INPP4B: variants seen among roughly 807,000 people sequenced by gnomAD.
INPP4B encodes the protein inositol polyphosphate-4-phosphatase type II B, also known as inositol polyphosphate 4-phosphatase type II.
Under a neutral mutation model 122.5 loss-of-function variants are expected in INPP4B, and 55 were observed. That is an observed-to-expected ratio of 0.45 (90% CI 0.36 to 0.56). The LOEUF is 0.56. INPP4B is among the 20% of genes least tolerant of loss of function. INPP4B has a pLI of 0.00. For synonymous variants in INPP4B, 403 were observed against 388.7 expected, an observed-to-expected ratio of 1.04 and a Z score of -0.43; for missense variants, 1,000 against 1,097.7, an observed-to-expected ratio of 0.91 and a Z score of 1.26.
intron 18 of INPP4B, among the ~76,000 whole-genome samples, chr4:142,136,546 T>C (rs1804367707): frequency 6.6e-6 from 1 of 152,130 alleles, no homozygotes; most frequent in South Asian, 2.1e-4. Context: ...GGGGAAAGCT[T>C]TGAAAGCTCA....
At chr4:142,626,182 C>T (rs1373250894) in intron 2 of INPP4B, among the ~76,000 whole-genome samples, 2 of 152,210 alleles carry the variant, frequency 1.3e-5, no homozygotes, top group South Asian at 4.2e-4. Flanking sequence ...AAACTACCAT[C>T]AGAGTGAACA....
At chr4:142,420,192 A>G (rs1806574325) in intron 5 of INPP4B, among the ~76,000 whole-genome samples, 1 of 152,140 alleles carries the variant, frequency 6.6e-6, no homozygotes, top group Admixed American at 6.6e-5. Flanking sequence ...TAAGCCTGTG[A>G]AGTTAAACCT....
At chr4:142,441,193 G>A (rs917177734) in intron 3 of INPP4B, among the ~76,000 whole-genome samples, 1 of 152,156 alleles carries the variant, frequency 6.6e-6, no homozygotes, top group South Asian at 2.1e-4. Context: ...TGTACTGAAA[G>A]GTGGTAGCTT....
At chr4:142,273,417 A>G (rs773719566) in intron 9 of INPP4B, among the ~76,000 whole-genome samples, 10 of 151,930 alleles carry the variant, frequency 6.6e-5, no homozygotes, top group Non-Finnish European at 1.3e-4. Context: ...CAGTGATTCA[A>G]TGCTTACTGG....
intron 25 of INPP4B, among the ~76,000 whole-genome samples, chr4:142,069,596 T>C (rs1309762367): frequency 6.6e-6 from 1 of 151,118 alleles, no homozygotes. Flanking sequence ...GCAAGACTAA[T>C]AAAGAAGAAA....
At chr4:142,650,119 CT>C (rs1210938734) in intron 2 of INPP4B, among the ~76,000 whole-genome samples, 1 of 152,154 alleles carries the variant, frequency 6.6e-6, no homozygotes, top group African/African-American at 2.4e-5. Context: ...CCAAACTAAG[CT>C]TCATAAGAGA....
chr4:142,172,907 A>C (rs10010617), intron 16 of INPP4B, among the ~76,000 whole-genome samples: 15,117 of 151,938 alleles, frequency 0.099, 1,106 homozygotes, highest in African/African-American at 0.2. Flanking sequence ...GCACACATTG[A>C]AAGTGGACAC....
intron 23 of INPP4B, among the ~76,000 whole-genome samples, 158 bp downstream of exon 23, chr4:142,107,935 C>T (rs892954438): frequency 3.3e-5 from 5 of 152,126 alleles, no homozygotes; most frequent in African/African-American, 1.2e-4. Context: ...GTTGGCCATG[C>T]TACCTTGGCA....
intron 17 of INPP4B, among the ~76,000 whole-genome samples, chr4:142,157,752 G>A (rs1429520963): frequency 6.6e-6 from 1 of 152,026 alleles, no homozygotes; most frequent in South Asian, 2.1e-4. Context: ...TGATACTCCA[G>A]CCTTGGCTGG....
At chr4:142,802,512 C>A (rs903910949) in intron 1 of INPP4B, among the ~76,000 whole-genome samples, 1 of 152,050 alleles carries the variant, frequency 6.6e-6, no homozygotes, top group Non-Finnish European at 1.5e-5. Flanking sequence ...TCCTGGAATC[C>A]CCTATCCACT....
chr4:142,279,948 C>T (rs1561726159), intron 9 of INPP4B, among the ~76,000 whole-genome samples: 1 of 151,888 alleles, frequency 6.6e-6, no homozygotes, highest in Non-Finnish European at 1.5e-5. Context: ...AACACTTGAA[C>T]AGATATGTTT....
intron 2 of INPP4B, among the ~76,000 whole-genome samples, chr4:142,464,072 C>T (rs1479194805): frequency 6.6e-6 from 1 of 152,130 alleles, no homozygotes; most frequent in Non-Finnish European, 1.5e-5. Context: ...GTAATTCAGG[C>T]AGAGTCCCAC....
intron 7 of INPP4B, among the ~76,000 whole-genome samples, chr4:142,367,302 T>C (rs1416010802): frequency 6.6e-6 from 1 of 151,890 alleles, no homozygotes; most frequent in African/African-American, 2.4e-5. Flanking sequence ...AGGTTAAAGA[T>C]GATACAGTAA....
intron 15 of INPP4B, among the ~76,000 whole-genome samples, chr4:142,188,267 T>C (rs1048037508): frequency 8.6e-5 from 13 of 151,444 alleles, no homozygotes; most frequent in East Asian, 3.9e-4. Context: ...GCGGGTGGAT[T>C]ACGAGGTCAG....
At chr4:142,362,521 G>T (rs1350735431) in intron 7 of INPP4B, among the ~76,000 whole-genome samples, 2 of 151,946 alleles carry the variant, frequency 1.3e-5, no homozygotes, top group African/African-American at 2.4e-5. Context: ...AATCAATAAA[G>T]ATAAAAAGTA....
intron 21 of INPP4B, among the ~76,000 whole-genome samples, chr4:142,115,045 G>C (rs1340254597): frequency 6.6e-6 from 1 of 151,988 alleles, no homozygotes; most frequent in Non-Finnish European, 1.5e-5. Context: ...TCAATCAAGT[G>C]GAAGAAAGGG....
intron 1 of INPP4B, among the ~76,000 whole-genome samples, chr4:142,731,465 T>C (rs759002667): frequency 6.6e-6 from 1 of 152,178 alleles, no homozygotes; most frequent in South Asian, 2.1e-4. Flanking sequence ...TGGATCCATA[T>C]AGCAAGACAA....
At chr4:142,844,500 T>C (rs1185033585) in intron 1 of INPP4B, among the ~76,000 whole-genome samples, 1 of 152,240 alleles carries the variant, frequency 6.6e-6, no homozygotes, top group East Asian at 1.9e-4. Context: ...TTACTACAAA[T>C]TCACGAGGTT....
intron 1 of INPP4B, among the ~76,000 whole-genome samples, chr4:142,736,660 C>T (rs1390110682): frequency 6.6e-6 from 1 of 152,152 alleles, no homozygotes; most frequent in African/African-American, 2.4e-5. Context: ...TATCCTGAGA[C>T]TTTGCTGAAG....
Sources: allele counts gnomAD v4.1 joint callset (sites outside exome capture counted in the v4.1 genomes callset), GRCh38; gene constraint gnomAD v4.1.1; transcripts MANE v1.5; gene names NCBI Gene and HGNC (gene_info 2026-07-23, HGNC 2026-07-21).